The following ZFYVE28 variants were observed in gnomAD, a reference collection of about 807,000 sequenced individuals.
ZFYVE28 encodes lateral signaling target protein 2 homolog.
In ZFYVE28, 40 loss-of-function variants were observed where a neutral mutation model predicts 82.1. The ratio of observed to expected loss-of-function variants is 0.49; its 90% confidence interval spans 0.38 to 0.63. ZFYVE28 has a LOEUF of 0.63. Among genes scored for constraint, ZFYVE28 ranks in the 30% least tolerant of loss-of-function variants. The pLI is 0.00. For missense variants in ZFYVE28, 1,321 were observed against 1,242.1 expected (o/e 1.06, Z -0.96); for synonymous variants, 612 against 546.1 (o/e 1.12, Z -1.68).
intron 7 of ZFYVE28, among the ~76,000 whole-genome samples, chr4:2,313,547 T>TA (rs1479367866): frequency 5.9e-5 from 9 of 152,006 alleles, no homozygotes; most frequent in African/African-American, 2.2e-4. Context: ...TATGAACCAC[T>TA]GCACTCAGCC....
chr4:2,273,316 C>T (rs760840032), intron 9 of ZFYVE28, 27 bp from the exon 10 acceptor site: 32 of 1,593,862 alleles, frequency 2.0e-5, no homozygotes, highest in Middle Eastern at 3.3e-4. Flanking sequence ...ACAGTAACCA[C>T]GACAGAAGGA....
At chr4:2,303,624 C>T (rs1715967699) in intron 8 of ZFYVE28, among the ~76,000 whole-genome samples, 1 of 152,154 alleles carries the variant, frequency 6.6e-6, no homozygotes, top group African/African-American at 2.4e-5. Flanking sequence ...CCCTCCCTGT[C>T]TCCAGAGTGG....
In ZFYVE28 at chr4:2,408,111, TGGCCTCCA is replaced by T. The variant is rs1394164192; in HGVS notation, c.39+10166_39+10173del. Among the ~76,000 whole-genome samples, 3 of 151,540 alleles carry T rather than the reference TGGCCTCCA, an allele frequency of 2.0e-5. No homozygotes were observed. Among genetic ancestry groups the T allele is most frequent in the Non-Finnish European group, 4.4e-5 (3 of 67,842 alleles). On this transcript the variant is annotated intron_variant, in intron 1 of 12. Coordinates refer to ENST00000290974, the MANE Select transcript of ZFYVE28 (RefSeq NM_020972.3). This position sits in a 1 kb window ranked among gnomAD's most constrained non-coding sequence, Gnocchi z 4.3. The stretch of plus-strand genomic sequence containing the variant: ...GGCCTATGGGGCTTTCCTGGCCCCC[TGGCCTCCA>T]GGCCTCAAGGCCACAGATTCCTGTC...
intron 8 of ZFYVE28, among the ~76,000 whole-genome samples, chr4:2,281,607 G>C (rs1158339464): frequency 6.6e-6 from 1 of 152,190 alleles, no homozygotes; most frequent in African/African-American, 2.4e-5. Context: ...CCGCTCAGGA[G>C]GGCAAAGCCT....
rs1318415705 is a variant in ZFYVE28 at position 2,354,146 on chromosome 4, C to A, written c.40-73G>T. ...GGATGCCTCGGTTGGTTGCCTTGTCCCCAGGCCATGTGTGGGCTCAGCCTG... is the reference window on the plus strand; with the variant it reads ...GGATGCCTCGGTTGGTTGCCTTGTCACCAGGCCATGTGTGGGCTCAGCCTG... On this transcript the variant is annotated intron_variant, in intron 1 of 12. Coordinates refer to ENST00000290974, the MANE Select transcript of ZFYVE28 (RefSeq NM_020972.3). 6 of 1,382,936 alleles carry A rather than the reference C, an allele frequency of 4.3e-6. No individual in the cohort carries two copies. The East Asian group carries it at 1.8e-4, about 41-fold the overall frequency. 85.7% of individuals were successfully genotyped at this position (1,382,936 alleles called of 1,614,324 possible).
chr4:2,377,313 C>CCT lies in ZFYVE28; in HGVS notation c.40-23241_40-23240insAG, dbSNP rs1728268122. Among the ~76,000 whole-genome samples, 5 of 152,184 alleles carry CCT rather than the reference C, an allele frequency of 3.3e-5. 1 individual carries two copies. Among genetic ancestry groups the CCT allele is most frequent in the Non-Finnish European group, 7.3e-5 (5 of 68,036 alleles). On this transcript the variant is annotated intron_variant, in intron 1 of 12. Transcript: ENST00000290974. The stretch of plus-strand genomic sequence containing the variant: ...TGGAATTACAGGCGTTGAGCCACTG[C>CCT]GCCCGGCCTAGGGCTTTACTTTTAT...
chr4:2,319,469 G>A (rs1407380524), intron 7 of ZFYVE28, among the ~76,000 whole-genome samples: 1 of 152,142 alleles, frequency 6.6e-6, no homozygotes, highest in East Asian at 1.9e-4. Context: ...GCCCTCATGG[G>A]GCAGAGTTCT....
rs749767409 is a variant in ZFYVE28, at chr4:2,330,901, C to T, written c.701+4804G>A. 1.3e-5 allele frequency: 20 copies of T among 1,533,288 alleles called. No homozygotes were observed. In the East Asian group the frequency reaches 1.7e-4, roughly 13 times the overall value. The allele number at this position is 1,533,288 out of a possible 1,614,324, so 95.0% of individuals were successfully genotyped here. A position where few individuals can be genotyped will look rare whatever the true frequency, so the allele number is the denominator to read the frequency against. On this transcript the variant is annotated intron_variant, in intron 6 of 12. Coordinates refer to ENST00000290974, the MANE Select transcript of ZFYVE28 (RefSeq NM_020972.3). The stretch of plus-strand genomic sequence containing the variant: ...TGCAGGCAGATCACGGTGGGAGCTC[C>T]GGCAAGGGTCTGAGCAGGGCAGAGA...
rs35604630 is a variant in ZFYVE28 at position 2,316,989 on chromosome 4, C to CTT, written c.803+3179_803+3180dup. 6.4e-3 allele frequency among the ~76,000 whole-genome samples: 809 copies of CTT among 125,762 alleles called. 14 individuals are homozygous for CTT. Among genetic ancestry groups the CTT allele is most frequent in the Middle Eastern group, 9.5e-3 (2 of 210 alleles). The allele number at this position is 125,762 out of a possible 152,430, so 82.5% of individuals were successfully genotyped here. ...TTACAGTATTTTCTTGTTTCTTTAA[C>CTT]TTTTTTTTTTTTTTTTTGAGACAGA... On this transcript the variant is annotated intron_variant, in intron 7 of 12. Transcript: ENST00000290974.
intron 4 of ZFYVE28, among the ~76,000 whole-genome samples, chr4:2,338,745 C>T (rs946596263): frequency 4.6e-5 from 7 of 152,210 alleles, no homozygotes; most frequent in African/African-American, 1.7e-4. Context: ...GGTTGATCTC[C>T]TAGGGGCCAG....
chr4:2,304,165 C>T (rs1373004954), intron 8 of ZFYVE28, 124 bp downstream of exon 8: 7 of 1,316,574 alleles, frequency 5.3e-6, no homozygotes, highest in South Asian at 3.0e-5. Context: ...TCGGCCAGGG[C>T]CCAGCACCTG....
At position 2,396,655 on chromosome 4, in the gene ZFYVE28, A is replaced by G. The variant is rs1412139117; in HGVS notation, c.39+21630T>C. Among the ~76,000 whole-genome samples the G allele has an allele frequency of 1.9e-3, 31 of 16,586 alleles. 2 individuals are homozygous for G. The highest frequency in any genetic ancestry group is 7.6e-3 in the African/African-American group (13 of 1,712). The allele number at this position is 16,586 out of a possible 152,430, so 10.9% of individuals were successfully genotyped here. ...CGGGGGTGTCTGAGCTGATGGGACCAGCCATCCTGCAGAGGGGCCACAAGG... is the reference window on the plus strand; with the variant it reads ...CGGGGGTGTCTGAGCTGATGGGACCGGCCATCCTGCAGAGGGGCCACAAGG... On this transcript the variant is annotated intron_variant, in intron 1 of 12. Coordinates refer to ENST00000290974, the MANE Select transcript of ZFYVE28 (RefSeq NM_020972.3).
chr4:2,350,065 A>G (rs2108876847), intron 2 of ZFYVE28, among the ~76,000 whole-genome samples: 1 of 149,374 alleles, frequency 6.7e-6, no homozygotes, highest in African/African-American at 2.5e-5. Flanking sequence ...ACACACACAC[A>G]CTCGGCATCC....
chr4:2,311,954 G>A lies in ZFYVE28; in HGVS notation c.804-6418C>T, dbSNP rs532764842. ...ATGATGCCCAACTAAGTTTTTTATTGTTGTTTTAATATGTTAAAGAAAATT... is the reference window on the plus strand; with the variant it reads ...ATGATGCCCAACTAAGTTTTTTATTATTGTTTTAATATGTTAAAGAAAATT... On this transcript the variant is annotated intron_variant, in intron 7 of 12. Transcript: ENST00000290974. Among the ~76,000 whole-genome samples the A allele has an allele frequency of 9.2e-5, 14 of 151,794 alleles. No homozygotes were observed. The East Asian group carries it at 2.7e-3, about 29-fold the overall frequency.
chr4:2,289,913 C>T (rs1159357693), intron 8 of ZFYVE28, among the ~76,000 whole-genome samples: 1 of 116,472 alleles, frequency 8.6e-6, no homozygotes, highest in Non-Finnish European at 2.0e-5. Context: ...TCATCACCCA[C>T]AGGGGACAGC....
intron 2 of ZFYVE28, among the ~76,000 whole-genome samples, chr4:2,344,900 C>CAAAAACA (rs754224441): frequency 6.7e-6 from 1 of 150,206 alleles, no homozygotes; most frequent in Admixed American, 6.6e-5. Context: ...AACTCTGTCT[C>CAAAAACA]AAAAACAAAA....
rs1020083963 is a variant in ZFYVE28 at position 2,300,875 on chromosome 4, G to A, written c.2051+3414C>T. ...GCAGGGGCGTCTGCCGGGCGAGCGG[G>A]TCTCACGGCCAAACAGGCCCGGGCT... On this transcript the variant is annotated intron_variant, in intron 8 of 12. Coordinates refer to ENST00000290974, the MANE Select transcript of ZFYVE28 (RefSeq NM_020972.3). The surrounding 1 kb of genome is among the most constrained non-coding windows in gnomAD (Gnocchi z 4.6). 1.3e-5 allele frequency among the ~76,000 whole-genome samples: 2 copies of A among 152,184 alleles called. No individual in the cohort carries two copies. Among genetic ancestry groups the A allele is most frequent in the Non-Finnish European group, 2.9e-5 (2 of 68,034 alleles).
chr4:2,377,300 C>T (rs187862784), intron 1 of ZFYVE28, among the ~76,000 whole-genome samples: 3 of 152,000 alleles, frequency 2.0e-5, no homozygotes, highest in Admixed American at 6.5e-5. Context: ...GAATTACAGG[C>T]GTTGAGCCAC....
At chr4:2,334,360 C>A (rs939837990) in intron 6 of ZFYVE28, among the ~76,000 whole-genome samples, 3 of 152,036 alleles carry the variant, frequency 2.0e-5, no homozygotes, top group Admixed American at 6.5e-5. Flanking sequence ...TTGCTCCCCA[C>A]TCCAACAAGG....
Sources: gnomAD v4.1 joint callset for allele counts (sites outside exome capture counted in the v4.1 genomes callset) on GRCh38, gnomAD v4.1.1 for gene constraint, Gnocchi (gnomAD v3.1) non-coding constraint, MANE v1.5 for transcripts, NCBI Gene and HGNC (gene_info 2026-07-23, HGNC 2026-07-21) for gene names.